POU3F3: variants seen among roughly 807,000 people sequenced by gnomAD.
POU3F3 encodes the protein POU class 3 homeobox 3, also known as POU domain, class 3, transcription factor 3.
POU3F3 carries 1 observed loss-of-function variant against 8.6 expected under a neutral mutation model. That is an observed-to-expected ratio of 0.12 (90% CI 0.04 to 0.55). POU3F3 has a LOEUF of 0.55. POU3F3 is among the 20% of genes least tolerant of loss of function. The pLI is 0.91. For missense variants in POU3F3, 577 were observed against 690.7 expected, an observed-to-expected ratio of 0.84 and a Z score of 1.84; for synonymous variants, 418 against 327.4, an observed-to-expected ratio of 1.28 and a Z score of -2.99.
chr2:104,889,489 G>A, the POU3F3 span, among the ~76,000 whole-genome samples: 2 of 152,100 alleles, frequency 1.3e-5, no homozygotes, highest in African/African-American at 4.8e-5. Flanking sequence ...GTTCTGCCAC[G>A]GAGCCCCTCC....
downstream of POU3F3, among the ~76,000 whole-genome samples, chr2:104,859,936 A>G (rs565859578): frequency 2.6e-5 from 4 of 152,236 alleles, no homozygotes; most frequent in African/African-American, 9.6e-5. Flanking sequence ...TAGAGAGGCA[A>G]GCAAAGAAGT....
the POU3F3 span, among the ~76,000 whole-genome samples, chr2:104,872,041 T>A: frequency 6.6e-6 from 1 of 151,794 alleles, no homozygotes; most frequent in Non-Finnish European, 1.5e-5. This position sits in a 1 kb window ranked among gnomAD's most constrained non-coding sequence, Gnocchi z 4.6. Flanking sequence ...TCTTCCCTCA[T>A]CGCGCTCCCC....
the POU3F3 span, among the ~76,000 whole-genome samples, chr2:104,900,089 C>A: frequency 9.9e-5 from 15 of 152,256 alleles, 2 homozygotes; most frequent in African/African-American, 3.4e-4. Context: ...AGGGAGGTGG[C>A]CTAGGCCTTT....
chr2:104,872,806 C>A, the POU3F3 span, among the ~76,000 whole-genome samples: 1 of 152,208 alleles, frequency 6.6e-6, no homozygotes. The surrounding 1 kb of genome is among the most constrained non-coding windows in gnomAD (Gnocchi z 4.6). Context: ...CTTGACAGTG[C>A]GCCTCCAGAC....
At chr2:104,907,411 G>A in the POU3F3 span, among the ~76,000 whole-genome samples, 2 of 152,174 alleles carry the variant, frequency 1.3e-5, no homozygotes, top group East Asian at 1.9e-4. Context: ...ATCTACTTGG[G>A]TATTTGCTTT....
the POU3F3 span, among the ~76,000 whole-genome samples, chr2:104,880,216 G>T: frequency 6.6e-6 from 1 of 151,274 alleles, no homozygotes; most frequent in East Asian, 2.0e-4. Context: ...AGACAGATTT[G>T]GGACCACCTG....
At chr2:104,881,122 CT>C in the POU3F3 span, among the ~76,000 whole-genome samples, 3 of 50,406 alleles carry the variant, frequency 6.0e-5, no homozygotes, top group African/African-American at 2.4e-4. Flanking sequence ...TTATTTCTTA[CT>C]TTCTTTCTTT....
chr2:104,904,486 A>C, the POU3F3 span, among the ~76,000 whole-genome samples: 1 of 152,196 alleles, frequency 6.6e-6, no homozygotes, highest in African/African-American at 2.4e-5. Flanking sequence ...ATATACTGCA[A>C]AGGGCAATCC....
At chr2:104,866,516 T>A in the POU3F3 span, 2 of 152,176 alleles carry the variant, frequency 1.3e-5, no homozygotes, top group African/African-American at 4.8e-5. Flanking sequence ...TCCATTTGCA[T>A]CATCCTGACA....
At chr2:104,906,521 TG>T in the POU3F3 span, among the ~76,000 whole-genome samples, 1 of 152,226 alleles carries the variant, frequency 6.6e-6, no homozygotes, top group Admixed American at 6.5e-5. Context: ...CCCAAATAAA[TG>T]TTTATTCTTC....
At chr2:104,916,066 A>G in the POU3F3 span, among the ~76,000 whole-genome samples, 2 of 152,184 alleles carry the variant, frequency 1.3e-5, no homozygotes, top group Non-Finnish European at 2.9e-5. Context: ...TAGAACATAT[A>G]GCAAACATAC....
chr2:104,882,546 C>T, the POU3F3 span, among the ~76,000 whole-genome samples: 2 of 152,058 alleles, frequency 1.3e-5, no homozygotes, highest in Non-Finnish European at 2.9e-5. Context: ...ACCGCTGCAC[C>T]CTGCATATTT....
the POU3F3 span, among the ~76,000 whole-genome samples, chr2:104,910,233 C>T: frequency 6.6e-6 from 1 of 152,004 alleles, no homozygotes; most frequent in Non-Finnish European, 1.5e-5. Flanking sequence ...CTCTTCAGCC[C>T]ATGTCTTCTT....
the POU3F3 span, among the ~76,000 whole-genome samples, chr2:104,922,392 C>CAAAAAA: frequency 2.3e-3 from 163 of 70,464 alleles, no homozygotes; most frequent in East Asian, 3.5e-3. Flanking sequence ...TGAAGATGCT[C>CAAAAAA]AAAAAAAAAA....
the POU3F3 span, among the ~76,000 whole-genome samples, chr2:104,892,621 A>G: frequency 6.7e-6 from 1 of 149,160 alleles, no homozygotes; most frequent in Non-Finnish European, 1.5e-5. Context: ...GCATGCAACC[A>G]CTCCTGGCTG....
the POU3F3 span, among the ~76,000 whole-genome samples, chr2:104,899,589 C>T: frequency 1.3e-5 from 2 of 152,132 alleles, no homozygotes; most frequent in African/African-American, 2.4e-5. Context: ...GAGAAGATTT[C>T]TTGGTAATGA....
chr2:104,904,512 G>A, the POU3F3 span, among the ~76,000 whole-genome samples: 1 of 152,144 alleles, frequency 6.6e-6, no homozygotes, highest in African/African-American at 2.4e-5. Flanking sequence ...AACGAATCCA[G>A]TTAATAACCA....
the POU3F3 span, among the ~76,000 whole-genome samples, chr2:104,873,816 G>A: frequency 1.4e-4 from 21 of 152,260 alleles, no homozygotes; most frequent in African/African-American, 4.6e-4. Flanking sequence ...CTTGCCCAGG[G>A]CCTGAGGGCA....
chr2:104,913,085 G>A, the POU3F3 span, among the ~76,000 whole-genome samples: 1 of 152,174 alleles, frequency 6.6e-6, no homozygotes, highest in Non-Finnish European at 1.5e-5. Flanking sequence ...CAAACCACTT[G>A]GATGTGGGGC....
Sources: allele counts gnomAD v4.1 joint callset (sites outside exome capture counted in the v4.1 genomes callset), GRCh38; gene constraint gnomAD v4.1.1; non-coding constraint Gnocchi (gnomAD v3.1); transcripts MANE v1.5; gene names NCBI Gene and HGNC (gene_info 2026-07-23, HGNC 2026-07-21).